DPP6: variants seen among roughly 807,000 people sequenced by gnomAD.
The protein encoded by DPP6 is A-type potassium channel modulatory protein DPP6.
In DPP6, 69 loss-of-function variants were observed where a neutral mutation model predicts 122.6. The observed-to-expected ratio is 0.56, with a 90% CI of 0.46 to 0.69. The LOEUF (loss-of-function observed/expected upper bound fraction) is 0.69. Among genes scored for constraint, DPP6 ranks in the 30% least tolerant of loss-of-function variants. DPP6 has a pLI of 0.00. For synonymous variants in DPP6, 418 were observed against 433.1 expected, an observed-to-expected ratio of 0.97 and a Z score of 0.43; for missense variants, 928 against 1,116.9, an observed-to-expected ratio of 0.83 and a Z score of 2.41.
At chr7:154,210,894 A>T (rs1799705440) in intron 1 of DPP6, among the ~76,000 whole-genome samples, 2 of 152,180 alleles carry the variant, frequency 1.3e-5, no homozygotes, top group African/African-American at 4.8e-5. Context: ...GGACAGTGCT[A>T]ACCACTTTAT....
the DPP6 span, among the ~76,000 whole-genome samples, chr7:153,819,040 G>C: frequency 7.9e-6 from 1 of 126,480 alleles, no homozygotes; most frequent in African/African-American, 3.3e-5. Flanking sequence ...ATGAGCCACC[G>C]CGCCTGGCCT....
At chr7:154,670,705 G>C (rs1247072550) in intron 7 of DPP6, among the ~76,000 whole-genome samples, 8 of 152,116 alleles carry the variant, frequency 5.3e-5, no homozygotes, top group Non-Finnish European at 1.5e-5. Context: ...TCCTAAAATA[G>C]CACAAAAAAT....
chr7:153,973,996 A>G (rs1796165798), intron 1 of DPP6, among the ~76,000 whole-genome samples: 1 of 151,962 alleles, frequency 6.6e-6, no homozygotes, highest in Non-Finnish European at 1.5e-5. Flanking sequence ...TCCTGCAGAC[A>G]ACCGTGAACA....
chr7:154,690,778 C>T (rs1293624948), intron 7 of DPP6, among the ~76,000 whole-genome samples: 1 of 152,110 alleles, frequency 6.6e-6, no homozygotes, highest in Non-Finnish European at 1.5e-5. Flanking sequence ...ATGTTGAGGA[C>T]ACAAAAAACC....
At chr7:154,210,648 T>C (rs1799689287) in intron 1 of DPP6, among the ~76,000 whole-genome samples, 1 of 152,126 alleles carries the variant, frequency 6.6e-6, no homozygotes, top group East Asian at 1.9e-4. Flanking sequence ...GTTAATGAAG[T>C]GACCGCCAGG....
At chr7:153,876,365 A>T in the DPP6 span, among the ~76,000 whole-genome samples, 1 of 150,662 alleles carries the variant, frequency 6.6e-6, no homozygotes, top group Admixed American at 6.7e-5. Flanking sequence ...TCCAATATGT[A>T]TATGCATTGC....
chr7:154,349,261 C>T (rs975429065), intron 1 of DPP6, among the ~76,000 whole-genome samples: 10 of 152,230 alleles, frequency 6.6e-5, no homozygotes, highest in Non-Finnish European at 1.2e-4. Context: ...CTGCAACCTC[C>T]ACTTCCCAGG....
At chr7:154,546,837 C>T (rs909133426) in intron 4 of DPP6, among the ~76,000 whole-genome samples, 1 of 152,192 alleles carries the variant, frequency 6.6e-6, no homozygotes, top group African/African-American at 2.4e-5. Context: ...GATTAGAACT[C>T]GAGACTACTT....
chr7:154,009,167 C>A (rs1228677584), intron 1 of DPP6, among the ~76,000 whole-genome samples: 2 of 67,370 alleles, frequency 3.0e-5, no homozygotes, highest in Non-Finnish European at 5.7e-5. Flanking sequence ...TGTTTCTTCT[C>A]ACTTTAGCTG....
intron 5 of DPP6, among the ~76,000 whole-genome samples, chr7:154,620,832 C>T (rs1054365153): frequency 3.9e-5 from 6 of 152,194 alleles, no homozygotes; most frequent in Non-Finnish European, 8.8e-5. Context: ...TTGGTGGACT[C>T]CTCCCCATCC....
At chr7:154,139,962 G>A (rs1585466560) in intron 1 of DPP6, among the ~76,000 whole-genome samples, 2 of 152,134 alleles carry the variant, frequency 1.3e-5, no homozygotes, top group Admixed American at 6.5e-5. Flanking sequence ...GACTTCTAGC[G>A]GCAAGCAGTG....
At chr7:154,265,893 A>G (rs1803389062) in intron 1 of DPP6, among the ~76,000 whole-genome samples, 1 of 152,198 alleles carries the variant, frequency 6.6e-6, no homozygotes, top group Non-Finnish European at 1.5e-5. Flanking sequence ...AAGATCAGAC[A>G]AAATAAAGGG....
chr7:153,989,670 C>CT (rs1373925464), intron 1 of DPP6, among the ~76,000 whole-genome samples: 1 of 151,964 alleles, frequency 6.6e-6, no homozygotes, highest in African/African-American at 2.4e-5. Flanking sequence ...CCAGAATGAG[C>CT]TTGAGAGAGT....
chr7:154,386,545 C>T (rs536401502), intron 1 of DPP6, among the ~76,000 whole-genome samples: 13 of 152,124 alleles, frequency 8.5e-5, no homozygotes, highest in African/African-American at 2.9e-4. Flanking sequence ...TTGATGAGAA[C>T]GAGATCTAGA....
At position 154,893,022 on chromosome 7, in the gene DPP6, G is replaced by A. The variant is rs373685510; in HGVS notation, c.*542G>A. 4 of 493,776 alleles carry A rather than the reference G, an allele frequency of 8.1e-6. No homozygotes were observed. Among genetic ancestry groups the A allele is most frequent in the Non-Finnish European group, 1.6e-5 (4 of 245,002 alleles). 30.6% of individuals were successfully genotyped at this position (493,776 alleles called of 1,614,324 possible). ...ACATGGTGAGGGGCTACAAGAAAAC[G>A]CTTTTCTGTACAGAGTCTTACTGTA... On this transcript the variant is annotated 3_prime_UTR_variant, in exon 26 of 26. Transcript: ENST00000377770.
intron 16 of DPP6, among the ~76,000 whole-genome samples, chr7:154,837,570 G>A (rs1215462806): frequency 6.6e-6 from 1 of 152,076 alleles, no homozygotes; most frequent in African/African-American, 2.4e-5. Context: ...ACCAGCATGG[G>A]AGTATTTTTC....
At chr7:153,814,779 C>T in the DPP6 span, among the ~76,000 whole-genome samples, 17 of 152,066 alleles carry the variant, frequency 1.1e-4, no homozygotes, top group Non-Finnish European at 1.9e-4. Context: ...TCGGCTTCAT[C>T]CCTGGGATGC....
At chr7:154,033,391 A>G (rs908161227) in intron 1 of DPP6, among the ~76,000 whole-genome samples, 9 of 152,296 alleles carry the variant, frequency 5.9e-5, no homozygotes, top group Middle Eastern at 6.8e-3. Context: ...GGGAGAAGAC[A>G]CTTGCGTTCT....
At chr7:154,575,024 ATGTGTGTGGTGTGTGTGGTGTGG>A (rs1424197137) in intron 5 of DPP6, among the ~76,000 whole-genome samples, 6 of 90,710 alleles carry the variant, frequency 6.6e-5, no homozygotes, top group Non-Finnish European at 1.1e-4. Flanking sequence ...TGGGTGGTGT[ATGTGTGTGGTGTGTGTGGTGTGG>A]TGTGTGTGGT....
Sources: gnomAD v4.1 joint callset for allele counts (sites outside exome capture counted in the v4.1 genomes callset) on GRCh38, gnomAD v4.1.1 for gene constraint, MANE v1.5 for transcripts, NCBI Gene and HGNC (gene_info 2026-07-23, HGNC 2026-07-21) for gene names.